MRTFA: variants seen among roughly 807,000 people sequenced by gnomAD.
The protein encoded by MRTFA is myocardin related transcription factor A.
In MRTFA, 20 loss-of-function variants were observed where a neutral mutation model predicts 83.5. The observed-to-expected ratio is 0.24, with a 90% CI of 0.17 to 0.35. MRTFA has a LOEUF of 0.35. Among genes scored for constraint, MRTFA ranks in the 10% least tolerant of loss-of-function variants. The pLI is 1.00. For synonymous variants in MRTFA, 659 were observed against 541.2 expected (o/e 1.22, Z -3.02); for missense variants, 1,200 against 1,224.7 (o/e 0.98, Z 0.30).
intron 2 of MRTFA, among the ~76,000 whole-genome samples, chr22:40,594,143 T>C (rs929349096): frequency 3.3e-5 from 5 of 152,238 alleles, no homozygotes; most frequent in African/African-American, 4.8e-5. Context: ...AATCAAACTC[T>C]AGTGGTTACA....
chr22:40,551,074 C>T (rs1358098830), intron 3 of MRTFA, among the ~76,000 whole-genome samples: 3 of 61,612 alleles, frequency 4.9e-5, no homozygotes, highest in African/African-American at 2.1e-4. Flanking sequence ...TGGTCTCGAA[C>T]TCCCGACCTC....
chr22:40,590,896 G>A (rs2056110676), intron 2 of MRTFA, among the ~76,000 whole-genome samples: 2 of 151,918 alleles, frequency 1.3e-5, no homozygotes, highest in African/African-American at 2.4e-5. Flanking sequence ...CACTTTAGGA[G>A]GCCAAGGCAG....
chr22:40,552,352 C>T lies in MRTFA; in HGVS notation c.-6G>A, dbSNP rs1305534454. 3 of 398,834 alleles carry T rather than the reference C, an allele frequency of 7.5e-6. No individual in the cohort carries two copies. The highest frequency in any genetic ancestry group is 2.1e-5 in the African/African-American group (1 of 48,616). 24.7% of individuals were successfully genotyped at this position (398,834 alleles called of 1,614,324 possible). On this transcript the variant is annotated 5_prime_UTR_variant, in exon 3 of 15. Transcript: ENST00000355630. Reference sequence around the variant, plus strand: ...ACCACACTGGAGAAATCCACTTTGGCTTTCGTGATGGCAATCTGGAAATGG... The same window carrying T: ...ACCACACTGGAGAAATCCACTTTGGTTTTCGTGATGGCAATCTGGAAATGG...
intron 3 of MRTFA, among the ~76,000 whole-genome samples, chr22:40,500,162 C>A (rs1254970295): frequency 6.6e-6 from 1 of 150,720 alleles, no homozygotes; most frequent in Non-Finnish European, 1.5e-5. Flanking sequence ...AACTCCTGAT[C>A]TTGTGATTTG....
intron 14 of MRTFA, among the ~76,000 whole-genome samples, chr22:40,415,686 G>A (rs551695139): frequency 8.5e-5 from 13 of 152,134 alleles, no homozygotes; most frequent in African/African-American, 2.9e-4. Flanking sequence ...ACAGACGCGC[G>A]CTATTTCCTG....
At chr22:40,498,941 TAATC>T (rs1038890142) in intron 3 of MRTFA, among the ~76,000 whole-genome samples, 1 of 152,214 alleles carries the variant, frequency 6.6e-6, no homozygotes, top group African/African-American at 2.4e-5. Context: ...AGGGTGAATT[TAATC>T]AATCAATCAA....
chr22:40,452,085 G>C (rs1255240678), intron 4 of MRTFA, among the ~76,000 whole-genome samples: 3 of 145,290 alleles, frequency 2.1e-5, no homozygotes, highest in Non-Finnish European at 4.5e-5. Context: ...CCAGGTTCAA[G>C]TGATTCTCCT....
intron 3 of MRTFA, among the ~76,000 whole-genome samples, chr22:40,531,285 T>TA (rs1491429104): frequency 6.9e-6 from 1 of 144,336 alleles, no homozygotes; most frequent in African/African-American, 2.6e-5. Flanking sequence ...TTTTTTTTTT[T>TA]AATTTTTTGT....
intron 3 of MRTFA, among the ~76,000 whole-genome samples, chr22:40,531,989 G>A (rs1010716592): frequency 6.6e-6 from 1 of 152,044 alleles, no homozygotes; most frequent in Non-Finnish European, 1.5e-5. Flanking sequence ...CCACATACAC[G>A]CTACAGCAGA....
intron 1 of MRTFA, among the ~76,000 whole-genome samples, chr22:40,608,070 GC>G (rs2056339682): frequency 6.6e-6 from 1 of 152,150 alleles, no homozygotes; most frequent in South Asian, 2.1e-4. Context: ...TGTCGCCCAG[GC>G]TGGAGTGCAG....
intron 1 of MRTFA, among the ~76,000 whole-genome samples, chr22:40,609,020 T>A (rs907771344): frequency 6.6e-6 from 1 of 152,182 alleles, no homozygotes; most frequent in Admixed American, 6.5e-5. Context: ...TAGTTGGGCA[T>A]GGTGGCTCAT....
chr22:40,573,588 T>C (rs1430942997), intron 2 of MRTFA, among the ~76,000 whole-genome samples: 1 of 152,126 alleles, frequency 6.6e-6, no homozygotes, highest in African/African-American at 2.4e-5. Context: ...AATTTTATAA[T>C]ATGTGATTTA....
chr22:40,545,986 C>G (rs528478646), intron 3 of MRTFA, among the ~76,000 whole-genome samples: 27 of 152,364 alleles, frequency 1.8e-4, no homozygotes, highest in African/African-American at 5.3e-4. Context: ...CTCGGCCTCC[C>G]AAAGTGCTGG....
chr22:40,452,049 T>G (rs1412184217), intron 4 of MRTFA, among the ~76,000 whole-genome samples: 1 of 145,140 alleles, frequency 6.9e-6, no homozygotes. Context: ...AGTGGTGTGA[T>G]CTCGGCTCAC....
chr22:40,448,162 C>T (rs1212373606), intron 4 of MRTFA, among the ~76,000 whole-genome samples: 1 of 152,084 alleles, frequency 6.6e-6, no homozygotes, highest in Non-Finnish European at 1.5e-5. Flanking sequence ...ATACAAAAAT[C>T]AGCTGGGTGT....
In MRTFA at chr22:40,416,719, CTG is replaced by C. The variant is rs2052687593; in HGVS notation, c.2578+265_2578+266del. 6.6e-6 allele frequency among the ~76,000 whole-genome samples: 1 copy of C among 152,250 alleles called. No homozygotes were observed. Among genetic ancestry groups the C allele is most frequent in the African/African-American group, 2.4e-5 (1 of 41,470 alleles). On this transcript the variant is annotated intron_variant, in intron 14 of 14. Transcript: ENST00000355630. The surrounding 1 kb of genome is among the most constrained non-coding windows in gnomAD (Gnocchi z 4.2). ...TTGTTGTCCACCTCCCCAGGCTGCA[CTG>C]TGAGCTCCACAAGGGCAAATGTCTC...
intron 3 of MRTFA, among the ~76,000 whole-genome samples, chr22:40,548,485 C>T (rs2055400868): frequency 6.6e-6 from 1 of 151,446 alleles, no homozygotes; most frequent in Admixed American, 6.6e-5. Flanking sequence ...ATGGAGGACA[C>T]AGACGTAGAA....
intron 5 of MRTFA, among the ~76,000 whole-genome samples, chr22:40,434,862 C>A (rs1221311745): frequency 6.6e-6 from 1 of 152,146 alleles, no homozygotes; most frequent in East Asian, 1.9e-4. Context: ...CTGGTGACTT[C>A]CCCATCTCTA....
chr22:40,482,773 C>T (rs899709935), intron 3 of MRTFA, among the ~76,000 whole-genome samples: 3 of 152,116 alleles, frequency 2.0e-5, no homozygotes, highest in African/African-American at 7.2e-5. Flanking sequence ...TGTACAGATT[C>T]AAAACTTGGA....
Sources: allele counts gnomAD v4.1 joint callset (sites outside exome capture counted in the v4.1 genomes callset), GRCh38; gene constraint gnomAD v4.1.1; non-coding constraint Gnocchi (gnomAD v3.1); transcripts MANE v1.5; gene names NCBI Gene and HGNC (gene_info 2026-07-23, HGNC 2026-07-21).